TMX2: variants seen among roughly 807,000 people sequenced by gnomAD.
TMX2 encodes the protein thioredoxin-related transmembrane protein 2.
In TMX2, 20 loss-of-function variants were observed where a neutral mutation model predicts 33.4. That is an observed-to-expected ratio of 0.60 (90% CI 0.42 to 0.87). TMX2 has a LOEUF of 0.87. TMX2 is among the 40% of genes least tolerant of loss of function. TMX2 has a pLI of 0.00. For synonymous variants in TMX2, 166 were observed against 140.7 expected, an observed-to-expected ratio of 1.18 and a Z score of -1.27; for missense variants, 340 against 370.7, an observed-to-expected ratio of 0.92 and a Z score of 0.68.
Position 57,712,673 on chromosome 11 carries a change from C to G in TMX2, c.55C>G (p.Arg19Gly). The G allele has an allele frequency of 6.2e-7, 1 of 1,614,208 alleles. No individual in the cohort carries two copies. The highest frequency in any genetic ancestry group is 8.5e-7 in the Non-Finnish European group (1 of 1,180,032). The change falls in exon 1 of 8, where the codon CGA becomes GGA. Residue 19 changes from arginine (R) to glycine (G), a missense_variant. Arg to Gly is a moderately radical substitution (Grantham distance 125, BLOSUM62 -2). Transcript: ENST00000278422. ...CGTGTATTCGGTGCCGCGACTTTCACGATGGCTCGCCCAACCTTACTACCT... is the reference window on the plus strand; with the variant it reads ...CGTGTATTCGGTGCCGCGACTTTCAGGATGGCTCGCCCAACCTTACTACCT... ...ALVYSVPRLSRWLAQPYYLLS... is the reference protein window; with the variant it reads ...ALVYSVPRLSGWLAQPYYLLS...
intron 1 of TMX2, among the ~76,000 whole-genome samples, chr11:57,735,138 G>GA (rs1948664193): frequency 6.6e-6 from 1 of 151,650 alleles, no homozygotes. Flanking sequence ...TCAAAAAAAA[G>GA]AAAAAATCTT....
intron 1 of TMX2, among the ~76,000 whole-genome samples, chr11:57,736,651 G>GC (rs1935618390): frequency 6.6e-6 from 1 of 152,104 alleles, no homozygotes; most frequent in South Asian, 2.1e-4. Context: ...ACTTTAGGAG[G>GC]CCGAGGCGGG....
At chr11:57,730,090 C>T (rs1255952237) in intron 1 of TMX2, among the ~76,000 whole-genome samples, 6 of 143,510 alleles carry the variant, frequency 4.2e-5, no homozygotes, top group Non-Finnish European at 7.6e-5. Flanking sequence ...GGCAACAGAG[C>T]AAGACTCCGT....
intron 1 of TMX2, among the ~76,000 whole-genome samples, chr11:57,721,528 C>T (rs1482803095): frequency 6.6e-6 from 1 of 151,852 alleles, no homozygotes; most frequent in African/African-American, 2.4e-5. Flanking sequence ...GTTGGTCAGG[C>T]TGTTCTCAAG....
At chr11:57,722,138 G>A (rs553579356) in intron 1 of TMX2, among the ~76,000 whole-genome samples, 80 of 152,166 alleles carry the variant, frequency 5.3e-4, no homozygotes, top group Non-Finnish European at 9.7e-4. Flanking sequence ...TGGGAGTACA[G>A]GCACGTGCCA....
rs751954312 is a variant in TMX2 at position 57,737,668 on chromosome 11, A to C, written c.250A>C (p.Ile84Leu). The stretch of plus-strand genomic sequence containing the variant: ...TGTGATGATGAAGAACCGCAGATCC[A>C]GTAAGTTTAGTTCACTTCTCAGACT... The part of the protein sequence containing the change: ...AIVMMKNRRS[I>L]TVEQHIGNIF... The change falls in exon 2 of 8, where the codon ATC becomes CTC. Residue 84 changes from isoleucine (I) to leucine (L), a missense_variant and splice_region_variant. By Grantham distance (5) the Ile-to-Leu change is conservative. Around this residue, in one of 3 missense-constraint regions of TMX2, gnomAD observed 25 missense variants for 46.5 expected, o/e 0.54. Coordinates refer to ENST00000278422, the MANE Select transcript of TMX2 (RefSeq NM_015959.4). 9 of 1,613,736 alleles carry C rather than the reference A, an allele frequency of 5.6e-6. No individual in the cohort carries two copies. Among genetic ancestry groups the C allele is most frequent in the Non-Finnish European group, 6.8e-6 (8 of 1,179,712 alleles).
intron 1 of TMX2, among the ~76,000 whole-genome samples, chr11:57,722,694 G>C (rs1391452562): frequency 1.3e-5 from 2 of 151,920 alleles, no homozygotes; most frequent in Non-Finnish European, 2.9e-5. Flanking sequence ...ACATAACCTT[G>C]GTAAAACTCT....
chr11:57,712,832 C>G lies in TMX2; in HGVS notation c.189+25C>G, dbSNP rs767493052. 3.1e-6 allele frequency: 5 copies of G among 1,613,290 alleles called. No individual in the cohort carries two copies. In the Admixed American group the frequency reaches 8.3e-5, roughly 27 times the overall value. The stretch of plus-strand genomic sequence containing the variant: ...GGTGAGCCTCCCGCGTGTTAGTACC[C>G]CGCGACCTTGACTGTCCCTGCCCTT... On this transcript the variant is annotated intron_variant, in intron 1 of 7. Transcript: ENST00000278422.
Position 57,738,917 on chromosome 11 carries a change from C to T in TMX2, c.549-57C>T, listed in dbSNP as rs180908824. The T allele has an allele frequency of 1.2e-3, 1,947 of 1,575,602 alleles. 2 individuals are homozygous for T. Among genetic ancestry groups the T allele is most frequent in the Middle Eastern group, 1.7e-3 (10 of 5,932 alleles). ...TCTCCCCTCTTAAATATCTATACTTCCACTTTCCTTGATCCATTATTTTTT... is the reference window on the plus strand; with the variant it reads ...TCTCCCCTCTTAAATATCTATACTTTCACTTTCCTTGATCCATTATTTTTT... On this transcript the variant is annotated intron_variant, in intron 5 of 7. Transcript: ENST00000278422.
intron 1 of TMX2, among the ~76,000 whole-genome samples, chr11:57,728,503 TCTC>T (rs1314449460): frequency 6.6e-6 from 1 of 152,028 alleles, no homozygotes; most frequent in African/African-American, 2.4e-5. Flanking sequence ...AGTTCGAGCT[TCTC>T]CTTCGGTGGA....
chr11:57,718,185 G>A, intron 1 of TMX2: 1 of 1,287,176 alleles, frequency 7.8e-7, no homozygotes. Context: ...CTCACTCTTG[G>A]CAGTGTAGAT....
At chr11:57,739,301 A>T in intron 7 of TMX2, 41 bp downstream of exon 7, 1 of 1,610,552 alleles carries the variant, frequency 6.2e-7, no homozygotes, top group Non-Finnish European at 8.5e-7. Context: ...GGTGCAGAAC[A>T]GTAGGTGGGC....
intron 7 of TMX2, among the ~76,000 whole-genome samples, chr11:57,739,587 G>T (rs1306514685): frequency 6.6e-6 from 1 of 152,126 alleles, no homozygotes; most frequent in Non-Finnish European, 1.5e-5. Flanking sequence ...GAGAAACCCC[G>T]TGTCTACTAA....
intron 1 of TMX2, among the ~76,000 whole-genome samples, chr11:57,734,446 T>C (rs751514352): frequency 2.0e-5 from 3 of 152,136 alleles, no homozygotes; most frequent in Non-Finnish European, 4.4e-5. Flanking sequence ...ACTACAACTC[T>C]CTTTTAAAAT....
intron 1 of TMX2, 138 bp downstream of exon 1, chr11:57,712,945 A>G (rs1946719056): frequency 1.1e-6 from 1 of 889,926 alleles, no homozygotes; most frequent in Non-Finnish European, 1.7e-6. Flanking sequence ...TATTAAGTGC[A>G]GGGTCCGAAC....
rs2926660 is a variant in TMX2 at position 57,733,548 on chromosome 11, C to T, written c.190-4060C>T. 9.9e-3 allele frequency among the ~76,000 whole-genome samples: 1,506 copies of T among 151,816 alleles called. 28 individuals carry two copies. The highest frequency in any genetic ancestry group is 0.035 in the African/African-American group (1,440 of 41,384). ...CTGCGATTACAGGCGTGAGTCACCGCGCCCAGCCTATAGTGAGGAATTTAC... is the reference window on the plus strand; with the variant it reads ...CTGCGATTACAGGCGTGAGTCACCGTGCCCAGCCTATAGTGAGGAATTTAC... On this transcript the variant is annotated intron_variant, in intron 1 of 7. Transcript: ENST00000278422.
Position 57,717,751 on chromosome 11 carries a change from G to A in TMX2, c.189+4944G>A, listed in dbSNP as rs569649308. ...GGGAGAGGGGAGAGGGGAGAGGGGA[G>A]AGGGAGAGGCAGAGGCAGAGGCAGA... On this transcript the variant is annotated intron_variant, in intron 1 of 7. Transcript: ENST00000278422. Among the ~76,000 whole-genome samples the A allele has an allele frequency of 6.9e-5, 10 of 145,486 alleles. 1 individual carries two copies. The East Asian group carries it at 1.9e-3, about 28-fold the overall frequency.
At chr11:57,726,280 G>T (rs1028998515) in intron 1 of TMX2, among the ~76,000 whole-genome samples, 2 of 151,976 alleles carry the variant, frequency 1.3e-5, no homozygotes, top group African/African-American at 4.8e-5. Context: ...AGGCGTGGTG[G>T]CATGCGCCTG....
At chr11:57,725,054 A>G (rs957941890) in intron 1 of TMX2, among the ~76,000 whole-genome samples, 3 of 149,748 alleles carry the variant, frequency 2.0e-5, no homozygotes, top group East Asian at 3.9e-4. Context: ...AAAAAAAAAA[A>G]AGAAAGAAAA....
Sources: allele counts gnomAD v4.1 joint callset (sites outside exome capture counted in the v4.1 genomes callset), GRCh38; gene constraint gnomAD v4.1.1; regional missense constraint gnomAD v4.1.1; transcripts MANE v1.5; gene names NCBI Gene and HGNC (gene_info 2026-07-23, HGNC 2026-07-21).